STOX2: variants seen among roughly 807,000 people sequenced by gnomAD.
STOX2 encodes storkhead box 2.
STOX2 carries 28 observed loss-of-function variants against 60.9 expected under a neutral mutation model. The ratio of observed to expected loss-of-function variants is 0.46; its 90% CI spans 0.34 to 0.63. The LOEUF (loss-of-function observed/expected upper bound fraction) is 0.63, where lower values mean the gene tolerates loss of function less well. Ranked by LOEUF, STOX2 falls within the 30% of genes least tolerant of loss-of-function variation. The pLI, the probability that STOX2 is intolerant of heterozygous loss-of-function variation, is 0.01. For missense variants in STOX2, 1,024 were observed against 1,187.7 expected (o/e 0.86, Z 2.03); for synonymous variants, 472 against 463.9 (o/e 1.02, Z -0.22).
rs536203471 is a variant in STOX2, at chr4:183,798,074, C to T, written c.364+19C>T. ...TGCCTGGGTGAGTGCGACCGCCGCG[C>T]GCCCGTCCCGTCCCTTCCCACCGGA... On this transcript the variant is annotated intron_variant, in intron 1 of 2. Coordinates refer to the STOX2 transcript ENST00000513034. The T allele has an allele frequency of 2.3e-5, 28 of 1,226,322 alleles. 1 individual carries two copies. In the African/African-American group the frequency reaches 3.9e-4, roughly 17 times the overall value. 76.0% of individuals were successfully genotyped at this position (1,226,322 alleles called of 1,614,324 possible).
intron 1 of STOX2, among the ~76,000 whole-genome samples, chr4:183,885,914 C>T (rs184571253): frequency 2.6e-5 from 4 of 152,160 alleles, no homozygotes; most frequent in African/African-American, 7.2e-5. Context: ...AACTGTTGGC[C>T]GAGGGAGGGA....
chr4:183,928,607 G>A (rs1316821126), intron 1 of STOX2, among the ~76,000 whole-genome samples: 2 of 152,126 alleles, frequency 1.3e-5, no homozygotes, highest in Non-Finnish European at 2.9e-5. Flanking sequence ...TGTCCTGTGA[G>A]CGTGGACCTG....
chr4:183,943,265 A>G (rs1220163400), intron 1 of STOX2, among the ~76,000 whole-genome samples: 5 of 152,212 alleles, frequency 3.3e-5, no homozygotes, highest in Non-Finnish European at 4.4e-5. Flanking sequence ...AACTTAACTA[A>G]AGCAGAGAAT....
At chr4:183,842,909 G>A (rs2111132865) in intron 1 of STOX2, among the ~76,000 whole-genome samples, 1 of 152,102 alleles carries the variant, frequency 6.6e-6, no homozygotes. Context: ...CAGCACTTTG[G>A]GAGGCCAAGG....
intron 1 of STOX2, among the ~76,000 whole-genome samples, chr4:183,963,155 T>C (rs979857258): frequency 6.6e-6 from 1 of 151,304 alleles, no homozygotes; most frequent in Admixed American, 6.6e-5. Flanking sequence ...TGTAGATGAG[T>C]GGGATGGACC....
intron 1 of STOX2, among the ~76,000 whole-genome samples, chr4:183,842,321 A>G (rs1739881869): frequency 6.6e-6 from 1 of 152,210 alleles, no homozygotes; most frequent in African/African-American, 2.4e-5. Context: ...ATAGAAGACT[A>G]TTGCTTTACT....
At chr4:183,986,313 C>T (rs1047489345) in intron 1 of STOX2, among the ~76,000 whole-genome samples, 3 of 152,118 alleles carry the variant, frequency 2.0e-5, no homozygotes, top group Admixed American at 1.3e-4. Context: ...GCATCAGTAG[C>T]AGTTGGTGTG....
intron 1 of STOX2, among the ~76,000 whole-genome samples, chr4:183,837,826 G>A (rs1450243049): frequency 1.3e-5 from 2 of 152,108 alleles, no homozygotes; most frequent in Non-Finnish European, 2.9e-5. Context: ...ATACTCCATC[G>A]TGTGTGTATA....
chr4:183,838,888 C>A (rs1168821033), intron 1 of STOX2, among the ~76,000 whole-genome samples: 1 of 152,234 alleles, frequency 6.6e-6, no homozygotes. Flanking sequence ...GAAGTCTTCA[C>A]TTTGGAGAGA....
intron 1 of STOX2, among the ~76,000 whole-genome samples, chr4:183,864,016 C>A (rs1014391209): frequency 6.6e-6 from 1 of 152,112 alleles, no homozygotes; most frequent in Non-Finnish European, 1.5e-5. Context: ...TGTATTTCCT[C>A]CTTCATTTTA....
intron 1 of STOX2, among the ~76,000 whole-genome samples, chr4:183,918,419 C>G (rs1741993054): frequency 6.6e-6 from 1 of 152,200 alleles, no homozygotes; most frequent in Admixed American, 6.5e-5. Flanking sequence ...CCCATATAAT[C>G]AGACATAGCT....
chr4:183,926,203 A>G (rs1359329526), intron 1 of STOX2, among the ~76,000 whole-genome samples: 1 of 152,244 alleles, frequency 6.6e-6, no homozygotes, highest in Non-Finnish European at 1.5e-5. Flanking sequence ...AAAACAGTCA[A>G]GATACATTAA....
intron 1 of STOX2, among the ~76,000 whole-genome samples, chr4:183,871,911 T>C (rs1238062651): frequency 6.6e-6 from 1 of 152,290 alleles, no homozygotes; most frequent in East Asian, 1.9e-4. Context: ...GAGGATCTTA[T>C]GTATCCAACT....
In STOX2 at chr4:184,010,318, A is replaced by G. The variant is rs748650140; in HGVS notation, c.1480A>G (p.Met494Val). 1.2e-6 allele frequency: 2 copies of G among 1,605,206 alleles called. No homozygotes were observed. The highest frequency in any genetic ancestry group is 1.7e-6 in the Non-Finnish European group (2 of 1,175,854). The change falls in exon 3 of 4, where the codon ATG becomes GTG. Residue 494 changes from methionine (M) to valine (V), a missense_variant. Around this residue, in one of 3 missense-constraint regions of STOX2, gnomAD observed 922 missense variants for 1,058.3 expected, o/e 0.87. Coordinates refer to ENST00000308497, the MANE Select transcript of STOX2 (RefSeq NM_020225.3). The surrounding 1 kb of genome is among the most constrained non-coding windows in gnomAD (Gnocchi z 4.5). ...SNKAKERSRS[M>V]DNSKGPLGAS... ...CAAAGCCAAGGAGAGATCCAGGTCGATGGATAACTCCAAAGGCCCTCTGGG... is the reference window on the plus strand; with the variant it reads ...CAAAGCCAAGGAGAGATCCAGGTCGGTGGATAACTCCAAAGGCCCTCTGGG...
intron 2 of STOX2, among the ~76,000 whole-genome samples, chr4:184,004,516 C>A (rs1339664898): frequency 6.6e-6 from 1 of 152,134 alleles, no homozygotes; most frequent in Non-Finnish European, 1.5e-5. Context: ...AGGAGAATGG[C>A]GTGAACCCGG....
chr4:183,945,383 G>T (rs974202803), intron 1 of STOX2, among the ~76,000 whole-genome samples: 2 of 152,002 alleles, frequency 1.3e-5, no homozygotes, highest in African/African-American at 4.8e-5. Context: ...TGGTGAGAGA[G>T]CAAAAGCAAA....
intron 1 of STOX2, among the ~76,000 whole-genome samples, chr4:183,957,842 G>A (rs1240777706): frequency 1.3e-5 from 2 of 150,584 alleles, no homozygotes; most frequent in Non-Finnish European, 3.0e-5. Context: ...CGTGAATAAG[G>A]CACCCTGGTT....
intron 1 of STOX2, among the ~76,000 whole-genome samples, chr4:183,831,678 G>A (rs1406683756): frequency 9.2e-5 from 14 of 152,100 alleles, no homozygotes; most frequent in African/African-American, 3.1e-4. Context: ...TGATGGATGC[G>A]CTGAGGGCCC....
chr4:183,845,004 A>G (rs1739953979), intron 1 of STOX2, among the ~76,000 whole-genome samples: 1 of 152,216 alleles, frequency 6.6e-6, no homozygotes, highest in Non-Finnish European at 1.5e-5. Flanking sequence ...AACATAGAAA[A>G]CATAATAGTC....
Sources: gnomAD v4.1 joint callset for allele counts (sites outside exome capture counted in the v4.1 genomes callset) on GRCh38, gnomAD v4.1.1 for gene constraint, gnomAD v4.1.1 regional missense constraint, Gnocchi (gnomAD v3.1) non-coding constraint, MANE v1.5 for transcripts, NCBI Gene and HGNC (gene_info 2026-07-23, HGNC 2026-07-21) for gene names.